SHQ1: variants seen among roughly 807,000 people sequenced by gnomAD.
SHQ1 encodes protein SHQ1 homolog.
Under a neutral mutation model 53.8 loss-of-function variants are expected in SHQ1, and 49 were observed. The ratio of observed to expected loss-of-function variants is 0.91; its 90% CI spans 0.72 to 1.16. The LOEUF (loss-of-function observed/expected upper bound fraction) is 1.16, where lower values mean the gene tolerates loss of function less well. Ranked by LOEUF, SHQ1 falls within the 50% of genes most tolerant of loss-of-function variation. The pLI is 0.00. For synonymous variants in SHQ1, 243 were observed against 251.0 expected, an observed-to-expected ratio of 0.97 and a Z score of 0.30; for missense variants, 738 against 683.1, an observed-to-expected ratio of 1.08 and a Z score of -0.90.
At position 72,841,123 on chromosome 3, in the gene SHQ1, C is replaced by G. The variant is rs759100998; in HGVS notation, c.408G>C (p.Glu136Asp). Residue 136 changes from glutamate (E) to aspartate (D), a missense_variant, in exon 4 of 11, where the codon GAG (glutamate) becomes GAC (aspartate). By Grantham distance (45) the Glu-to-Asp change is conservative. Transcript: ENST00000325599. ...GCGGATTCAAAGCACTTTCTGATAC[C>G]TCTTCACAGGGTGTCTGCTCAATTT... ...DWEIEQTPCEEVSESALNPQC... is the reference protein window; with the variant it reads ...DWEIEQTPCEDVSESALNPQC... The G allele has an allele frequency of 1.2e-5, 19 of 1,613,998 alleles. No individual in the cohort carries two copies. Among genetic ancestry groups the G allele is most frequent in the Non-Finnish European group, 1.6e-5 (19 of 1,179,950 alleles).
At chr3:72,762,563 T>C (rs1273170460) in intron 10 of SHQ1, among the ~76,000 whole-genome samples, 1 of 152,240 alleles carries the variant, frequency 6.6e-6, no homozygotes, top group Non-Finnish European at 1.5e-5. Context: ...TGGAATTGTA[T>C]ACCTCACTTG....
chr3:72,754,413 C>T (rs1705457455), intron 10 of SHQ1, among the ~76,000 whole-genome samples: 1 of 150,632 alleles, frequency 6.6e-6, no homozygotes, highest in South Asian at 2.1e-4. Flanking sequence ...TGGATTTTCA[C>T]TCTCGTTGCC....
At chr3:72,760,476 G>A (rs1705584984) in intron 10 of SHQ1, among the ~76,000 whole-genome samples, 1 of 152,148 alleles carries the variant, frequency 6.6e-6, no homozygotes, top group African/African-American at 2.4e-5. Flanking sequence ...ATTCTTTAAG[G>A]GAGCACAGAA....
chr3:72,756,531 G>A (rs892406863), intron 10 of SHQ1, among the ~76,000 whole-genome samples: 2 of 152,196 alleles, frequency 1.3e-5, no homozygotes, highest in Admixed American at 6.5e-5. Flanking sequence ...ACCCACCTTG[G>A]TCTCTCAAAG....
the SHQ1 span, among the ~76,000 whole-genome samples, chr3:72,743,066 G>A: frequency 6.6e-6 from 1 of 152,270 alleles, no homozygotes; most frequent in Non-Finnish European, 1.5e-5. Flanking sequence ...GCCTGGGTTG[G>A]GTTAGAGATG....
chr3:72,759,929 A>C (rs191895032), intron 10 of SHQ1, among the ~76,000 whole-genome samples: 37 of 152,322 alleles, frequency 2.4e-4, no homozygotes, highest in African/African-American at 8.9e-4. Flanking sequence ...TTTTTGTAGC[A>C]GAATCAGAGA....
At chr3:72,809,104 AC>A (rs1257756822) in intron 9 of SHQ1, among the ~76,000 whole-genome samples, 1 of 151,702 alleles carries the variant, frequency 6.6e-6, no homozygotes, top group Non-Finnish European at 1.5e-5. Context: ...ACTGGAGAGT[AC>A]AAAGATTGGT....
At chr3:72,801,189 A>C (rs1263032857) in intron 9 of SHQ1, among the ~76,000 whole-genome samples, 1 of 152,212 alleles carries the variant, frequency 6.6e-6, no homozygotes, top group East Asian at 1.9e-4. Context: ...GTAGATTAAG[A>C]AGCTGAAGAT....
Position 72,848,255 on chromosome 3 carries a change from A to G in SHQ1, c.86T>C (p.Phe29Ser). The G allele has an allele frequency of 6.2e-7, 1 of 1,614,222 alleles. No homozygotes were observed. Among genetic ancestry groups the G allele is most frequent in the South Asian group, 1.1e-5 (1 of 91,090 alleles). ...IRVPYARVSEFDVYFEGSDFK... is the reference protein window; with the variant it reads ...IRVPYARVSESDVYFEGSDFK... Reference sequence around the variant, plus strand: ...GTCAGACCCCTCGAAGTAGACGTCGAACTCGGAGACCCGGGCGTAGGGCAC... The same window carrying G: ...GTCAGACCCCTCGAAGTAGACGTCGGACTCGGAGACCCGGGCGTAGGGCAC... The change falls in exon 1 of 11, where the codon TTC (phenylalanine) becomes TCC (serine). Residue 29 changes from phenylalanine (F) to serine (S), a missense_variant. By Grantham distance (155) the Phe-to-Ser change is radical (BLOSUM62 -2). Coordinates refer to ENST00000325599, the MANE Select transcript of SHQ1 (RefSeq NM_018130.3).
At chr3:72,788,502 G>T (rs937369364) in intron 10 of SHQ1, among the ~76,000 whole-genome samples, 1 of 150,070 alleles carries the variant, frequency 6.7e-6, no homozygotes, top group Non-Finnish European at 1.5e-5. Flanking sequence ...GGGAGGTAGG[G>T]GGGGCGCCTC....
chr3:72,759,107 T>C (rs977175697), intron 10 of SHQ1, among the ~76,000 whole-genome samples: 3 of 152,224 alleles, frequency 2.0e-5, no homozygotes, highest in Non-Finnish European at 2.9e-5. Context: ...TCTTTTCTTA[T>C]GAGGTTACCA....
chr3:72,831,492 T>A (rs1472504265), intron 5 of SHQ1, among the ~76,000 whole-genome samples: 1 of 152,232 alleles, frequency 6.6e-6, no homozygotes, highest in East Asian at 1.9e-4. Context: ...GAAAACTGAA[T>A]AATCACATGA....
At chr3:72,842,130 A>C in intron 3 of SHQ1, 150 bp downstream of exon 3, 3 of 762,312 alleles carry the variant, frequency 3.9e-6, no homozygotes, top group East Asian at 5.9e-5. Flanking sequence ...ATCACCAAAG[A>C]AGCTATTTTC....
rs751765925 is a variant in SHQ1 at position 72,817,217 on chromosome 3, T to C, written c.882+13A>G. ...AGTCATCTATGGCAACATGCACACA[T>C]ACATGCACTTACATTCTTCTCTCCT... On this transcript the variant is annotated intron_variant, in intron 7 of 10. Coordinates refer to ENST00000325599, the MANE Select transcript of SHQ1 (RefSeq NM_018130.3). 4.3e-6 allele frequency: 7 copies of C among 1,610,172 alleles called. No homozygotes were observed. In the East Asian group the frequency reaches 1.1e-4, roughly 26 times the overall value.
chr3:72,783,701 T>C (rs1033364617), intron 10 of SHQ1, among the ~76,000 whole-genome samples: 10 of 152,248 alleles, frequency 6.6e-5, no homozygotes, highest in Non-Finnish European at 1.5e-4. Context: ...ATTATGTTTC[T>C]ATTTCTAAAA....
chr3:72,793,434 G>A (rs1266398179), intron 9 of SHQ1: 3 of 152,342 alleles, frequency 2.0e-5, no homozygotes, highest in African/African-American at 7.3e-5. Context: ...GTGAACTGGG[G>A]AGGTGGAGCT....
At chr3:72,838,520 T>C (rs1575737952) in intron 4 of SHQ1, among the ~76,000 whole-genome samples, 1 of 152,314 alleles carries the variant, frequency 6.6e-6, no homozygotes, top group Admixed American at 6.5e-5. Context: ...TTTTTTGAGA[T>C]GTAGTCTCAC....
intron 9 of SHQ1, among the ~76,000 whole-genome samples, chr3:72,807,692 T>C (rs1266467602): frequency 2.0e-5 from 3 of 152,228 alleles, no homozygotes; most frequent in African/African-American, 7.2e-5. Context: ...TACAATACAC[T>C]TGCCAAACCT....
intron 10 of SHQ1, among the ~76,000 whole-genome samples, chr3:72,751,508 G>GTATATATATATATATATA (rs371779807): frequency 1.3e-4 from 15 of 116,982 alleles, no homozygotes; most frequent in African/African-American, 6.6e-4. Context: ...GTGTGTGTGT[G>GTATATATATATATATATA]TATATATATA....
Sources: allele counts gnomAD v4.1 joint callset (sites outside exome capture counted in the v4.1 genomes callset), GRCh38; gene constraint gnomAD v4.1.1; transcripts MANE v1.5; gene names NCBI Gene and HGNC (gene_info 2026-07-23, HGNC 2026-07-21).